The following HIVEP3 variants were observed in gnomAD, a reference collection of about 807,000 sequenced individuals.
The protein encoded by HIVEP3 is HIVEP zinc finger 3.
HIVEP3 carries 49 observed loss-of-function variants against 152.8 expected under a neutral mutation model. The ratio of observed to expected loss-of-function variants is 0.32; its 90% CI spans 0.26 to 0.41. The LOEUF (loss-of-function observed/expected upper bound fraction) is 0.41. Ranked by LOEUF, HIVEP3 falls within the 10% of genes least tolerant of loss-of-function variation. HIVEP3 has a pLI of 1.00. For synonymous variants in HIVEP3, 1,269 were observed against 1,289.0 expected (o/e 0.98, Z 0.33); for missense variants, 2,790 against 3,103.3 (o/e 0.90, Z 2.40).
intron 1 of HIVEP3, among the ~76,000 whole-genome samples, chr1:41,830,474 A>G (rs168382): frequency 0.42 from 64,049 of 152,024 alleles, 14,188 homozygotes; most frequent in East Asian, 0.8. Context: ...GGAGCCACTC[A>G]TTCTTCTGGC....
intron 1 of HIVEP3, among the ~76,000 whole-genome samples, chr1:41,879,094 G>A (rs1009023093): frequency 3.3e-5 from 5 of 152,112 alleles, no homozygotes; most frequent in African/African-American, 7.2e-5. Flanking sequence ...ATCCAGAGGC[G>A]AACAAGGCCC....
chr1:41,794,814 A>G (rs1649895144), intron 1 of HIVEP3, among the ~76,000 whole-genome samples: 2 of 152,184 alleles, frequency 1.3e-5, no homozygotes, highest in South Asian at 4.1e-4. Context: ...TTTTGCAATA[A>G]TCTTAGAATT....
intron 2 of HIVEP3, among the ~76,000 whole-genome samples, chr1:41,640,955 T>C (rs1482159581): frequency 6.6e-6 from 1 of 152,236 alleles, no homozygotes; most frequent in Non-Finnish European, 1.5e-5. Flanking sequence ...CTTGACCACC[T>C]GTGAGTCTGT....
At chr1:41,758,439 G>T (rs1286706540) in intron 1 of HIVEP3, among the ~76,000 whole-genome samples, 1 of 152,228 alleles carries the variant, frequency 6.6e-6, no homozygotes, top group African/African-American at 2.4e-5. Context: ...CCTATCTTAT[G>T]CACAGCCTTC....
chr1:41,847,431 T>A (rs1412478506), intron 1 of HIVEP3: 1 of 152,234 alleles, frequency 6.6e-6, no homozygotes, highest in Non-Finnish European at 1.5e-5. Flanking sequence ...ACACTTACAT[T>A]AAAATATATG....
Position 41,791,908 on chromosome 1 carries a change from T to A in HIVEP3, c.-800-90913A>T, listed in dbSNP as rs1649719801. Among the ~76,000 whole-genome samples the A allele has an allele frequency of 2.6e-5, 4 of 151,404 alleles. No individual in the cohort carries two copies. The South Asian group carries it at 8.4e-4, about 32-fold the overall frequency. On this transcript the variant is annotated intron_variant, in intron 1 of 8. Transcript: ENST00000372583. Reference sequence around the variant, plus strand: ...CATGCTTTTCTCAGGCATCACACCCTTCCCCCTCTCCTCCATATCCCTCCT... The same window carrying A: ...CATGCTTTTCTCAGGCATCACACCCATCCCCCTCTCCTCCATATCCCTCCT...
In HIVEP3 at chr1:41,785,721, G is replaced by A. The variant is rs938547828; in HGVS notation, c.-800-84726C>T. ...ATAGAAAAATTCTTCTCTGGGCTGG[G>A]TGCACTAGCTCACGCCTGTAATCCC... On this transcript the variant is annotated intron_variant, in intron 1 of 8. Transcript: ENST00000372583. 5.9e-5 allele frequency among the ~76,000 whole-genome samples: 9 copies of A among 152,300 alleles called. No individual in the cohort carries two copies. In the South Asian group the frequency reaches 1.9e-3, roughly 32 times the overall value.
chr1:41,588,260 T>TA (rs1308729616), intron 3 of HIVEP3, among the ~76,000 whole-genome samples: 1 of 152,170 alleles, frequency 6.6e-6, no homozygotes, highest in Admixed American at 6.5e-5. Flanking sequence ...CTATACTTAC[T>TA]ATTCTTATTG....
upstream of HIVEP3, among the ~76,000 whole-genome samples, chr1:41,920,577 G>GTTTTTTTTTTTTTTTTTTT (rs10708045): frequency 8.1e-6 from 1 of 123,178 alleles, no homozygotes; most frequent in Admixed American, 7.6e-5. Context: ...AAACAAGATG[G>GTTTTTTTTTTTTTTTTTTT]TTTTTTTTTT....
chr1:41,570,725 A>G (rs1329257582), intron 5 of HIVEP3, among the ~76,000 whole-genome samples: 1 of 152,170 alleles, frequency 6.6e-6, no homozygotes, highest in African/African-American at 2.4e-5. Flanking sequence ...ATGGCTCAGG[A>G]AAGAATAGAA....
At chr1:41,733,038 T>G (rs549499215) in intron 1 of HIVEP3, among the ~76,000 whole-genome samples, 2 of 152,304 alleles carry the variant, frequency 1.3e-5, no homozygotes, top group Non-Finnish European at 2.9e-5. Context: ...AACTCCATCC[T>G]GCAAACACAA....
At chr1:41,864,311 G>A (rs1030508402) in intron 1 of HIVEP3, among the ~76,000 whole-genome samples, 2 of 152,170 alleles carry the variant, frequency 1.3e-5, no homozygotes, top group African/African-American at 4.8e-5. Context: ...CTTAGAGGAG[G>A]TCAGAGCCAG....
chr1:41,839,634 C>A (rs11806252), intron 1 of HIVEP3, among the ~76,000 whole-genome samples: 1 of 152,136 alleles, frequency 6.6e-6, no homozygotes, highest in Non-Finnish European at 1.5e-5. Flanking sequence ...GCATGGGATG[C>A]TCTGTGTGTG....
intron 1 of HIVEP3, among the ~76,000 whole-genome samples, chr1:41,801,402 G>T (rs1187767025): frequency 6.6e-6 from 1 of 152,064 alleles, no homozygotes; most frequent in Non-Finnish European, 1.5e-5. Flanking sequence ...CCAGCCCTAG[G>T]TTGAGTTAAT....
At chr1:42,016,049 A>T (rs1319368602) in intron 1 of HIVEP3, among the ~76,000 whole-genome samples, 1 of 152,248 alleles carries the variant, frequency 6.6e-6, no homozygotes, top group African/African-American at 2.4e-5. Flanking sequence ...GGGCTGAAAC[A>T]GCATGAATGG....
Position 41,891,784 on chromosome 1 carries a change from C to T in HIVEP3, c.-801+26629G>A, listed in dbSNP as rs564225765. On this transcript the variant is annotated intron_variant, in intron 1 of 8. Coordinates refer to ENST00000372583, the MANE Select transcript of HIVEP3 (RefSeq NM_024503.5). ...CTCCAGAGGAGATCGGGGTTAATTA[C>T]GTTTACTGACAGCTGTCTTCTTTCT... Among the ~76,000 whole-genome samples the T allele has an allele frequency of 8.5e-5, 13 of 152,318 alleles. 1 individual carries two copies. The South Asian group carries it at 1.9e-3, about 22-fold the overall frequency.
rs144201195 is a variant in HIVEP3 at position 41,954,390 on chromosome 1, A to C, written n.120-35866T>G. On this transcript the variant is annotated intron_variant and non_coding_transcript_variant, in intron 1 of 3. Transcript: ENST00000489103. ...TAGGGAGGCCACATACATTTTTAAA[A>C]ACGGATTATTAAGAAATAAATGCCA... Among the ~76,000 whole-genome samples, 559 of 152,372 alleles carry C rather than the reference A, an allele frequency of 3.7e-3. 1 individual carries two copies. Among genetic ancestry groups the C allele is most frequent in the Non-Finnish European group, 6.8e-3 (461 of 68,034 alleles).
intron 1 of HIVEP3, among the ~76,000 whole-genome samples, chr1:42,031,078 T>C (rs1645610083): frequency 6.6e-6 from 1 of 152,228 alleles, no homozygotes; most frequent in South Asian, 2.1e-4. Flanking sequence ...CTGTATCTTC[T>C]AAGCACTACT....
At chr1:41,861,066 G>C (rs1173039392) in intron 1 of HIVEP3, among the ~76,000 whole-genome samples, 1 of 152,234 alleles carries the variant, frequency 6.6e-6, no homozygotes, top group Non-Finnish European at 1.5e-5. Context: ...CAGGGCACTG[G>C]AGGTGGGTGG....
Sources: allele counts gnomAD v4.1 joint callset (sites outside exome capture counted in the v4.1 genomes callset), GRCh38; gene constraint gnomAD v4.1.1; transcripts MANE v1.5; gene names NCBI Gene and HGNC (gene_info 2026-07-23, HGNC 2026-07-21).